Variants in MPRIP observed in about 807,000 individuals in gnomAD.
MPRIP encodes the protein myosin phosphatase Rho-interacting protein.
Under a neutral mutation model 234.9 loss-of-function variants are expected in MPRIP, and 59 were observed. That is an observed-to-expected ratio of 0.25 (90% confidence interval 0.20 to 0.31). MPRIP has a LOEUF of 0.31. Ranked by LOEUF, MPRIP falls within the 10% of genes least tolerant of loss-of-function variation. MPRIP has a pLI of 1.00. For missense variants in MPRIP, 2,436 were observed against 3,071.0 expected, an observed-to-expected ratio of 0.79 and a Z score of 4.89; for synonymous variants, 1,144 against 1,263.9, an observed-to-expected ratio of 0.91 and a Z score of 2.01.
At chr17:17,127,165 A>G (rs145938256) in intron 4 of MPRIP, among the ~76,000 whole-genome samples, 235 of 152,314 alleles carry the variant, frequency 1.5e-3, no homozygotes, top group Non-Finnish European at 2.7e-3. Context: ...CAGTCCCTGA[A>G]TCATATGACC....
At chr17:17,173,874 G>C (rs2046198141) in intron 18 of MPRIP, 42 bp from the exon 19 acceptor site, 4 of 1,612,396 alleles carry the variant, frequency 2.5e-6, no homozygotes, top group Non-Finnish European at 3.4e-6. Flanking sequence ...GAGAGGCCTT[G>C]TCCAGAAGCA....
At position 17,176,521 on chromosome 17, in the gene MPRIP, A is replaced by T; in HGVS notation, c.6957+9A>T. ...TGCAGACGGCACTGCGGGTAAGGCC[A>T]CCGCACCACAGGAGGGCGGGTACGG... On this transcript the variant is annotated intron_variant, in intron 21 of 23. Transcript: ENST00000651222. 1 of 1,609,536 alleles carries T rather than the reference A, an allele frequency of 6.2e-7. No individual in the cohort carries two copies. Among genetic ancestry groups the T allele is most frequent in the African/African-American group, 1.3e-5 (1 of 74,954 alleles).
intron 3 of MPRIP, among the ~76,000 whole-genome samples, chr17:17,082,501 G>C (rs1395152788): frequency 1.3e-5 from 2 of 151,830 alleles, no homozygotes; most frequent in Non-Finnish European, 2.9e-5. Context: ...CTTCATGCTG[G>C]ACAGGCTGGT....
At chr17:17,127,994 C>A in intron 4 of MPRIP, among the ~76,000 whole-genome samples, 1 of 152,172 alleles carries the variant, frequency 6.6e-6, no homozygotes, top group Non-Finnish European at 1.5e-5. Flanking sequence ...GCACCTGGAG[C>A]CGAGCTGGAG....
In MPRIP at chr17:17,186,003, A is replaced by G. The variant is rs1257002174; in HGVS notation, c.*1109A>G. The G allele has an allele frequency of 6.4e-6, 1 of 155,232 alleles. No individual in the cohort carries two copies. Among genetic ancestry groups the G allele is most frequent in the Non-Finnish European group, 1.4e-5 (1 of 70,134 alleles). The allele number at this position is 155,232 out of a possible 1,614,324, so 9.6% of individuals were successfully genotyped here. A position where few individuals can be genotyped will look rare whatever the true frequency, so the allele number is the denominator to read the frequency against. On this transcript the variant is annotated 3_prime_UTR_variant, in exon 24 of 24. Transcript: ENST00000651222. ...TACTAACAATTTTGCTTTTTCTAACAGTTTGAGGAAGACCTTTTTAACCAC... is the reference window on the plus strand; with the variant it reads ...TACTAACAATTTTGCTTTTTCTAACGGTTTGAGGAAGACCTTTTTAACCAC...
In MPRIP at chr17:17,165,594, C is replaced by T. The variant is rs1370103585; in HGVS notation, c.4003C>T (p.Pro1335Ser). The T allele has an allele frequency of 4.6e-6, 6 of 1,304,690 alleles. No individual in the cohort carries two copies. In the Admixed American group the frequency reaches 6.9e-5, roughly 15 times the overall value. The allele number at this position is 1,304,690 out of a possible 1,614,324, so 80.8% of individuals were successfully genotyped here. Residue 1335 changes from proline (P) to serine (S), a missense_variant, in exon 16 of 24, where the codon CCC becomes TCC. Pro to Ser is a moderately conservative substitution (Grantham distance 74). Around this residue, in one of 4 missense-constraint regions of MPRIP, gnomAD observed 1,998 missense variants for 2,520.3 expected, o/e 0.79. Coordinates refer to ENST00000651222, the MANE Select transcript of MPRIP (RefSeq NM_001364716.4). ...STIQCQRYIH[P>S]EGSEKTWTSS... The stretch of plus-strand genomic sequence containing the variant: ...AATCCAGTGCCAAAGATACATTCAC[C>T]CCGAAGGGTCTGAGAAGACCTGGAC...
Position 17,164,424 on chromosome 17 carries a change from G to A in MPRIP, c.2833G>A (p.Glu945Lys). 1 of 1,272,922 alleles carries A rather than the reference G, an allele frequency of 7.9e-7. No homozygotes were observed. Among genetic ancestry groups the A allele is most frequent in the Non-Finnish European group, 1.0e-6 (1 of 978,506 alleles). The allele number at this position is 1,272,922 out of a possible 1,614,324, so 78.9% of individuals were successfully genotyped here. ...REQLEERQHS[E>K]AALSSQLRAS... ...GCAGCTGGAGGAGCGGCAACACAGC[G>A]AGGCGGCGCTGAGCAGCCAGCTGAG... Residue 945 changes from glutamate (E) to lysine (K), a missense_variant, in exon 16 of 24, where the codon GAG becomes AAG. Transcript: ENST00000651222.
intron 3 of MPRIP, 135 bp from the exon 4 acceptor site, chr17:17,126,567 G>C (rs2090493632): frequency 2.0e-6 from 2 of 1,014,758 alleles, no homozygotes; most frequent in Admixed American, 2.6e-5. Flanking sequence ...CAAAGGAAGA[G>C]GAGCTGGGGC....
At chr17:17,147,235 G>T in intron 10 of MPRIP, 84 bp from the exon 11 acceptor site, 5 of 1,346,596 alleles carry the variant, frequency 3.7e-6, no homozygotes, top group Non-Finnish European at 5.3e-6. Context: ...GGCCCCACAG[G>T]CTCTGGCTGC....
rs773653775 is a variant in MPRIP at position 17,171,859 on chromosome 17, A to G, written c.6466A>G (p.Ile2156Val). ...CCTAGCCGAGGAGACAGCGGCCACCATCTCAGGTTGGGGGGTGGGGTAACC... is the reference window on the plus strand; with the variant it reads ...CCTAGCCGAGGAGACAGCGGCCACCGTCTCAGGTTGGGGGGTGGGGTAACC... Reference protein sequence around the residue: ...RLLAEETAATISAIEAMKNAH... With the variant: ...RLLAEETAATVSAIEAMKNAH... The change falls in exon 17 of 24, where the codon ATC becomes GTC. Residue 2156 changes from isoleucine to valine, a missense_variant. Ile to Val is a conservative substitution (Grantham distance 29). Coordinates refer to ENST00000651222, the MANE Select transcript of MPRIP (RefSeq NM_001364716.4). The G allele has an allele frequency of 6.2e-7, 1 of 1,607,596 alleles. No homozygotes were observed. The highest frequency in any genetic ancestry group is 2.3e-5 in the East Asian group (1 of 44,406).
rs762899610 is a variant in MPRIP at position 17,158,729 on chromosome 17, G to A, written c.2127G>A (p.Glu709=). 6.2e-7 allele frequency: 1 copy of A among 1,610,670 alleles called. No homozygotes were observed. The highest frequency in any genetic ancestry group is 1.1e-5 in the South Asian group (1 of 91,006). Residue 709 remains glutamate, a synonymous_variant, in exon 14 of 24, where the codon GAG becomes GAA. Coordinates refer to ENST00000651222, the MANE Select transcript of MPRIP (RefSeq NM_001364716.4). ...GGGAGCGTGCACGGAGGCGGGAGGA[G>A]CGCCGCAAGCGCTTCGGGATGCTCG... is the stretch of plus-strand genomic sequence containing the variant. The part of the protein sequence containing the change: ...LERERARRRE[E]RRKRFGMLDA...
intron 1 of MPRIP, among the ~76,000 whole-genome samples, chr17:17,051,411 C>A (rs552812184): frequency 1.3e-5 from 2 of 152,234 alleles, no homozygotes; most frequent in South Asian, 4.1e-4. Flanking sequence ...GAAACTCATT[C>A]CCCAAGCCAC....
intron 1 of MPRIP, among the ~76,000 whole-genome samples, chr17:17,067,790 C>CTTTTT (rs35187618): frequency 3.8e-4 from 29 of 76,734 alleles, no homozygotes; most frequent in South Asian, 5.7e-4. Flanking sequence ...CTTCTTCTTC[C>CTTTTT]TTTTTTTTTT....
At chr17:17,179,937 G>A in intron 22 of MPRIP, 66 bp from the exon 23 acceptor site, 1 of 1,303,508 alleles carries the variant, frequency 7.7e-7, no homozygotes, top group African/African-American at 1.5e-5. Flanking sequence ...TCAGGATTTA[G>A]TCTGGTTCCA....
intron 9 of MPRIP, 142 bp from the exon 10 acceptor site, chr17:17,145,894 G>C (rs2144526950): frequency 2.6e-6 from 2 of 775,272 alleles, no homozygotes; most frequent in Non-Finnish European, 4.3e-6. Flanking sequence ...ACCAGGGTGA[G>C]GGGGCTGCAC....
chr17:17,184,096 CATT>C (rs1338018331), intron 23 of MPRIP, among the ~76,000 whole-genome samples: 3 of 152,242 alleles, frequency 2.0e-5, no homozygotes, highest in African/African-American at 7.2e-5. Flanking sequence ...GAAATTAAAT[CATT>C]GAGGAAAGTC....
intron 3 of MPRIP, among the ~76,000 whole-genome samples, chr17:17,121,738 G>T (rs993711064): frequency 2.0e-5 from 3 of 152,176 alleles, no homozygotes; most frequent in Non-Finnish European, 4.4e-5. Context: ...GAAGTTTGTT[G>T]TACAGGTTAT....
At chr17:17,056,867 A>G (rs2088715830) in intron 1 of MPRIP, among the ~76,000 whole-genome samples, 1 of 152,174 alleles carries the variant, frequency 6.6e-6, no homozygotes, top group Non-Finnish European at 1.5e-5. Context: ...ACAGAATCAT[A>G]CCATACCATA....
chr17:17,124,783 C>A (rs1380447396), intron 3 of MPRIP, among the ~76,000 whole-genome samples: 1 of 152,202 alleles, frequency 6.6e-6, no homozygotes, highest in Non-Finnish European at 1.5e-5. Flanking sequence ...GAAGTCAGAG[C>A]AACCCTTCAT....
Sources: allele counts gnomAD v4.1 joint callset (sites outside exome capture counted in the v4.1 genomes callset), GRCh38; gene constraint gnomAD v4.1.1; regional missense constraint gnomAD v4.1.1; transcripts MANE v1.5; gene names NCBI Gene and HGNC (gene_info 2026-07-23, HGNC 2026-07-21).